The following GRM8 variants were observed in gnomAD, a reference collection of about 807,000 sequenced individuals.
GRM8 encodes metabotropic glutamate receptor 8.
In GRM8, 47 loss-of-function variants were observed where a neutral mutation model predicts 87.2. That is an observed-to-expected ratio of 0.54 (90% CI 0.43 to 0.69). The LOEUF (loss-of-function observed/expected upper bound fraction) is 0.69, where lower values mean the gene tolerates loss of function less well. Ranked by LOEUF, GRM8 falls within the 30% of genes least tolerant of loss-of-function variation. The pLI is 0.00. For synonymous variants in GRM8, 396 were observed against 404.5 expected, an observed-to-expected ratio of 0.98 and a Z score of 0.25; for missense variants, 1,019 against 1,139.2, an observed-to-expected ratio of 0.89 and a Z score of 1.52.
intron 7 of GRM8, among the ~76,000 whole-genome samples, chr7:126,611,811 G>C (rs1236943433): frequency 6.6e-6 from 1 of 152,130 alleles, no homozygotes; most frequent in African/African-American, 2.4e-5. Flanking sequence ...TGTGTTAGCT[G>C]TTTCTATATC....
intron 3 of GRM8, among the ~76,000 whole-genome samples, chr7:127,081,035 AATATGGTCAGCAGCG>A (rs1822807046): frequency 6.6e-6 from 1 of 152,204 alleles, no homozygotes; most frequent in South Asian, 2.1e-4. Flanking sequence ...GCTCAAATTT[AATATGGTCAGCAGCG>A]ATATTTAAGG....
intron 6 of GRM8, among the ~76,000 whole-genome samples, chr7:126,792,031 T>A (rs567656555): frequency 6.6e-6 from 1 of 152,232 alleles, no homozygotes; most frequent in South Asian, 2.1e-4. Context: ...AGTGATATGG[T>A]TTCAGAGTGG....
chr7:126,719,714 T>G (rs780529411), intron 7 of GRM8, among the ~76,000 whole-genome samples: 1 of 152,136 alleles, frequency 6.6e-6, no homozygotes, highest in East Asian at 1.9e-4. Flanking sequence ...AATCTTTCTG[T>G]GCAAAAATGC....
intron 6 of GRM8, among the ~76,000 whole-genome samples, chr7:126,770,856 T>C (rs1343569855): frequency 1.3e-5 from 2 of 152,068 alleles, no homozygotes; most frequent in Non-Finnish European, 2.9e-5. Flanking sequence ...ATGGAGATTA[T>C]AATTACATGG....
chr7:126,978,394 G>A (rs921607016), intron 3 of GRM8, among the ~76,000 whole-genome samples: 4 of 152,122 alleles, frequency 2.6e-5, no homozygotes, highest in Non-Finnish European at 5.9e-5. Context: ...TAATATCCAA[G>A]AATTCCTCGA....
rs536551633 is a variant in GRM8, at chr7:126,737,899, G to A, written c.1357+31966C>T. Among the ~76,000 whole-genome samples the A allele has an allele frequency of 2.0e-4, 31 of 152,168 alleles. No homozygotes were observed. The South Asian group carries it at 4.8e-3, about 23-fold the overall frequency. On this transcript the variant is annotated intron_variant, in intron 7 of 10. Transcript: ENST00000339582. ...TAAAGGAGCATGTAGGTGGAACATC[G>A]AAATCAGACTAACACTAACGAGGGT...
chr7:126,623,634 C>T (rs759200407), intron 7 of GRM8, among the ~76,000 whole-genome samples: 2 of 152,196 alleles, frequency 1.3e-5, no homozygotes, highest in Non-Finnish European at 2.9e-5. Context: ...ATCTGGCCTC[C>T]TCTTCAACTG....
chr7:126,956,148 G>T (rs746085175), intron 3 of GRM8, among the ~76,000 whole-genome samples: 1 of 152,022 alleles, frequency 6.6e-6, no homozygotes, highest in Non-Finnish European at 1.5e-5. Flanking sequence ...AAATGTATAT[G>T]TAAAATATTT....
rs140690490 is a variant in GRM8, at chr7:127,176,234, A to G, written c.510+66461T>C. On this transcript the variant is annotated intron_variant, in intron 2 of 10. Coordinates refer to ENST00000339582, the MANE Select transcript of GRM8 (RefSeq NM_000845.3). ...AAAATAAAATCACATGAAGTGCTCAATTAAAAACAGACAAGGCAGGAAAAT... is the reference window on the plus strand; with the variant it reads ...AAAATAAAATCACATGAAGTGCTCAGTTAAAAACAGACAAGGCAGGAAAAT... Among the ~76,000 whole-genome samples, 541 of 152,348 alleles carry G rather than the reference A, an allele frequency of 3.6e-3. 3 individuals carry two copies. Among genetic ancestry groups the G allele is most frequent in the African/African-American group, 0.012 (505 of 41,592 alleles).
At chr7:127,208,182 T>C (rs1363594989) in intron 2 of GRM8, among the ~76,000 whole-genome samples, 1 of 152,188 alleles carries the variant, frequency 6.6e-6, no homozygotes, top group Non-Finnish European at 1.5e-5. Flanking sequence ...CGTTTTGCCA[T>C]ATAAGGCCTA....
At chr7:126,535,641 G>A (rs1184628029) in intron 8 of GRM8, among the ~76,000 whole-genome samples, 3 of 152,166 alleles carry the variant, frequency 2.0e-5, no homozygotes, top group South Asian at 2.1e-4. Context: ...GTTGCAGGTC[G>A]CTGCCATGGA....
intron 7 of GRM8, among the ~76,000 whole-genome samples, chr7:126,660,837 G>A (rs1482966174): frequency 3.9e-5 from 6 of 152,182 alleles, no homozygotes; most frequent in Non-Finnish European, 8.8e-5. Context: ...TTTTGGGAAA[G>A]TCCAAGGTGA....
intron 6 of GRM8, among the ~76,000 whole-genome samples, chr7:126,867,674 C>A (rs1199473506): frequency 6.6e-6 from 1 of 151,832 alleles, no homozygotes; most frequent in East Asian, 1.9e-4. Flanking sequence ...ATAATGCCAA[C>A]AGAGAAATGA....
At chr7:126,870,965 G>C in intron 6 of GRM8, among the ~76,000 whole-genome samples, 1 of 152,130 alleles carries the variant, frequency 6.6e-6, no homozygotes, top group Admixed American at 6.5e-5. Flanking sequence ...CCCATTTTTT[G>C]AGAGGAAAAC....
intron 2 of GRM8, among the ~76,000 whole-genome samples, chr7:127,127,427 A>G (rs1041737262): frequency 2.0e-5 from 3 of 152,100 alleles, no homozygotes; most frequent in Non-Finnish European, 4.4e-5. Flanking sequence ...ACTGTGGTGT[A>G]GCAATAAAAT....
At chr7:126,567,596 T>C (rs913063892) in intron 8 of GRM8, among the ~76,000 whole-genome samples, 1 of 152,182 alleles carries the variant, frequency 6.6e-6, no homozygotes, top group African/African-American at 2.4e-5. Context: ...TAAGTGTTTT[T>C]AATTATAATA....
chr7:126,620,890 T>A (rs1585253059), intron 7 of GRM8, among the ~76,000 whole-genome samples: 1 of 151,986 alleles, frequency 6.6e-6, no homozygotes, highest in East Asian at 1.9e-4. Context: ...GTTAGTGCAA[T>A]CCTCTCAGTT....
chr7:126,663,128 A>G (rs530320716), intron 7 of GRM8, among the ~76,000 whole-genome samples: 4 of 152,332 alleles, frequency 2.6e-5, no homozygotes, highest in African/African-American at 9.6e-5. Context: ...GAGCAGACCA[A>G]TATCAAGTTC....
At chr7:126,731,791 TTTA>T (rs1327404666) in intron 7 of GRM8, among the ~76,000 whole-genome samples, 1 of 152,058 alleles carries the variant, frequency 6.6e-6, no homozygotes, top group East Asian at 1.9e-4. Context: ...ACTATATCAT[TTTA>T]TTATTTCCTC....
Sources: allele counts gnomAD v4.1 joint callset (sites outside exome capture counted in the v4.1 genomes callset), GRCh38; gene constraint gnomAD v4.1.1; transcripts MANE v1.5; gene names NCBI Gene and HGNC (gene_info 2026-07-23, HGNC 2026-07-21).